FGGY: variants seen among roughly 807,000 people sequenced by gnomAD.
FGGY encodes FGGY carbohydrate kinase domain containing.
Under a neutral mutation model 71.3 loss-of-function variants are expected in FGGY, and 72 were observed. The ratio of observed to expected loss-of-function variants is 1.01; its 90% CI spans 0.84 to 1.23. The LOEUF (loss-of-function observed/expected upper bound fraction) is 1.23. FGGY is among the 50% of genes most tolerant of loss of function. FGGY has a pLI of 0.00. For missense variants in FGGY, 668 were observed against 682.3 expected, an observed-to-expected ratio of 0.98 and a Z score of 0.23; for synonymous variants, 251 against 250.3, an observed-to-expected ratio of 1.00 and a Z score of -0.02.
chr1:59,715,441 A>G (rs576726656), intron 14 of FGGY, among the ~76,000 whole-genome samples: 1 of 152,356 alleles, frequency 6.6e-6, no homozygotes, highest in South Asian at 2.1e-4. Context: ...ATCAATTGAT[A>G]GGTTGCCAGT....
At position 59,694,027 on chromosome 1, in the gene FGGY, C is replaced by T. The variant is rs184991661; in HGVS notation, c.1512+19894C>T. Reference sequence around the variant, plus strand: ...GTCTCAAAAAAAGTAAATGGCCGGGCGCGGTGGCTCACGCCTGTAATCCCA... The same window carrying T: ...GTCTCAAAAAAAGTAAATGGCCGGGTGCGGTGGCTCACGCCTGTAATCCCA... On this transcript the variant is annotated intron_variant, in intron 14 of 15. Coordinates refer to ENST00000303721, the MANE Select transcript of FGGY (RefSeq NM_018291.5). 5.1e-4 allele frequency among the ~76,000 whole-genome samples: 76 copies of T among 148,668 alleles called. 1 individual carries two copies. In the East Asian group the frequency reaches 0.011, roughly 22 times the overall value.
intron 5 of FGGY, among the ~76,000 whole-genome samples, chr1:59,395,898 A>C (rs994317791): frequency 6.6e-6 from 1 of 152,158 alleles, no homozygotes; most frequent in Admixed American, 6.5e-5. Flanking sequence ...TTAGCTTAGT[A>C]CTTGTTTGTT....
chr1:59,750,422 TAAGGTGAAATACA>T (rs749856789), intron 14 of FGGY, among the ~76,000 whole-genome samples: 140 of 152,318 alleles, frequency 9.2e-4, no homozygotes, highest in Non-Finnish European at 1.5e-3. Context: ...ATAGTACACA[TAAGGTGAAATACA>T]AAGATATTAA....
intron 5 of FGGY, among the ~76,000 whole-genome samples, chr1:59,442,331 G>A (rs993532580): frequency 6.6e-6 from 1 of 152,160 alleles, no homozygotes; most frequent in African/African-American, 2.4e-5. Flanking sequence ...TCCTTCTGAA[G>A]AGCTGATGTA....
intron 4 of FGGY, among the ~76,000 whole-genome samples, chr1:59,374,882 G>A (rs2058370204): frequency 8.2e-6 from 1 of 122,452 alleles, no homozygotes; most frequent in African/African-American, 3.1e-5. Context: ...CACAGGAAGG[G>A]GAACATCACA....
At chr1:59,338,690 A>G (rs2050081536) in intron 2 of FGGY, among the ~76,000 whole-genome samples, 1 of 152,130 alleles carries the variant, frequency 6.6e-6, no homozygotes, top group Admixed American at 6.5e-5. Context: ...AAAAATCTGT[A>G]TAGTATTTCA....
intron 6 of FGGY, among the ~76,000 whole-genome samples, chr1:59,509,462 A>G (rs2094467781): frequency 6.6e-6 from 1 of 152,136 alleles, no homozygotes; most frequent in Non-Finnish European, 1.5e-5. Context: ...AGTGGGCTTC[A>G]TGATTAAGTT....
intron 7 of FGGY, among the ~76,000 whole-genome samples, chr1:59,535,662 C>T (rs1286205403): frequency 6.6e-6 from 1 of 150,846 alleles, no homozygotes; most frequent in Non-Finnish European, 1.5e-5. Context: ...CAAACTAGAA[C>T]TCAGGATTAA....
intron 8 of FGGY, among the ~76,000 whole-genome samples, chr1:59,580,442 C>T (rs1207863898): frequency 6.6e-6 from 1 of 152,260 alleles, no homozygotes; most frequent in East Asian, 1.9e-4. Context: ...TGTGCATCCT[C>T]TCAGACTCCA....
chr1:59,388,547 T>G (rs747440605), intron 5 of FGGY, among the ~76,000 whole-genome samples: 1 of 152,126 alleles, frequency 6.6e-6, no homozygotes, highest in Non-Finnish European at 1.5e-5. Context: ...CCTTAATACG[T>G]GCCTGCCTGT....
chr1:59,754,209 C>A (rs527556764), intron 14 of FGGY, among the ~76,000 whole-genome samples: 42 of 152,140 alleles, frequency 2.8e-4, no homozygotes, highest in Non-Finnish European at 5.9e-4. Context: ...GCTCTCTTAG[C>A]CTTATAGGTG....
intron 6 of FGGY, among the ~76,000 whole-genome samples, chr1:59,468,906 A>G (rs2092792775): frequency 6.6e-6 from 1 of 151,628 alleles, no homozygotes; most frequent in Non-Finnish European, 1.5e-5. Flanking sequence ...ATCTTGACTA[A>G]TGAACTAATG....
intron 14 of FGGY, among the ~76,000 whole-genome samples, chr1:59,734,731 G>T (rs1165810519): frequency 1.3e-5 from 2 of 152,184 alleles, no homozygotes; most frequent in Non-Finnish European, 2.9e-5. Flanking sequence ...GGAGGGGATG[G>T]CCCTGGTCCC....
At chr1:59,487,544 C>T (rs1441744125) in intron 6 of FGGY, among the ~76,000 whole-genome samples, 6 of 152,298 alleles carry the variant, frequency 3.9e-5, no homozygotes, top group South Asian at 2.1e-4. Flanking sequence ...TCTTCTCACC[C>T]GCCTTCAGGA....
chr1:59,639,825 C>T (rs1442034129), intron 11 of FGGY, among the ~76,000 whole-genome samples: 3 of 152,120 alleles, frequency 2.0e-5, no homozygotes, highest in African/African-American at 7.2e-5. Flanking sequence ...CTGTCATACC[C>T]AAATTCAGTA....
intron 10 of FGGY, among the ~76,000 whole-genome samples, chr1:59,637,068 G>A (rs898656388): frequency 7.9e-5 from 12 of 152,154 alleles, no homozygotes; most frequent in African/African-American, 2.9e-4. Flanking sequence ...AGAGGGGAAG[G>A]TTGACCAGCT....
intron 14 of FGGY, among the ~76,000 whole-genome samples, chr1:59,689,358 C>T (rs932563793): frequency 3.3e-5 from 5 of 152,130 alleles, no homozygotes; most frequent in African/African-American, 1.2e-4. Flanking sequence ...TCAACGTTAA[C>T]TCCTGGGAAG....
chr1:59,458,709 A>T (rs572424317), intron 6 of FGGY, among the ~76,000 whole-genome samples: 3 of 152,182 alleles, frequency 2.0e-5, no homozygotes, highest in African/African-American at 7.2e-5. Context: ...TTTCCTAAGG[A>T]GACATATCAT....
intron 8 of FGGY, among the ~76,000 whole-genome samples, chr1:59,590,941 C>A (rs2096421182): frequency 6.6e-6 from 1 of 152,034 alleles, no homozygotes; most frequent in South Asian, 2.1e-4. Flanking sequence ...CTGGCCAGGG[C>A]AATTAGGCAG....
Sources: gnomAD v4.1 joint callset for allele counts (sites outside exome capture counted in the v4.1 genomes callset) on GRCh38, gnomAD v4.1.1 for gene constraint, MANE v1.5 for transcripts, NCBI Gene and HGNC (gene_info 2026-07-23, HGNC 2026-07-21) for gene names.